FGF14: variants seen among roughly 807,000 people sequenced by gnomAD.
FGF14 encodes the protein fibroblast growth factor homologous factor 4.
FGF14 carries 5 observed loss-of-function variants against 25.5 expected under a neutral mutation model. That is an observed-to-expected ratio of 0.20 (90% CI 0.10 to 0.41). The LOEUF (loss-of-function observed/expected upper bound fraction) is 0.41, where lower values mean the gene tolerates loss of function less well. Among genes scored for constraint, FGF14 ranks in the 10% least tolerant of loss-of-function variants. The pLI, the probability that FGF14 is intolerant of heterozygous loss-of-function variation, is 1.00. For missense variants in FGF14, 222 were observed against 320.1 expected (o/e 0.69, Z 2.34); for synonymous variants, 138 against 118.3 (o/e 1.17, Z -1.08).
chr13:101,855,274 C>T (rs192677740), intron 3 of FGF14, among the ~76,000 whole-genome samples: 283 of 152,102 alleles, frequency 1.9e-3, no homozygotes, highest in African/African-American at 6.6e-3. Context: ...TCATCTTCAA[C>T]TTGCTGTTCT....
intron 1 of FGF14, among the ~76,000 whole-genome samples, chr13:102,121,680 T>C (rs1403258582): frequency 6.6e-6 from 1 of 152,226 alleles, no homozygotes; most frequent in Non-Finnish European, 1.5e-5. Context: ...AGTATATATG[T>C]TGTACATACC....
chr13:102,164,650 C>G (rs2140627370), intron 1 of FGF14, among the ~76,000 whole-genome samples: 1 of 152,270 alleles, frequency 6.6e-6, no homozygotes, highest in African/African-American at 2.4e-5. Context: ...ACAGAATGAG[C>G]TAACTATTCT....
intron 1 of FGF14, among the ~76,000 whole-genome samples, chr13:102,377,120 G>A (rs568015069): frequency 6.6e-5 from 10 of 151,766 alleles, no homozygotes; most frequent in Non-Finnish European, 1.5e-4. Flanking sequence ...AGAAGTGAAT[G>A]ACAGAGCACA....
chr13:102,074,304 C>T (rs529943036), intron 1 of FGF14, among the ~76,000 whole-genome samples: 4 of 152,312 alleles, frequency 2.6e-5, no homozygotes, highest in African/African-American at 7.2e-5. Flanking sequence ...TGAGCCACCA[C>T]GCCCAGCAGG....
intron 1 of FGF14, among the ~76,000 whole-genome samples, chr13:102,154,026 T>C (rs2047205234): frequency 6.6e-6 from 1 of 152,218 alleles, no homozygotes; most frequent in Non-Finnish European, 1.5e-5. Context: ...GTCTCTGGGT[T>C]ATCCAACTTC....
chr13:101,923,139 G>A (rs1378756392), intron 1 of FGF14, among the ~76,000 whole-genome samples: 10 of 151,806 alleles, frequency 6.6e-5, no homozygotes, highest in Non-Finnish European at 1.2e-4. Flanking sequence ...AAAAAGTATT[G>A]GCATCTAAGA....
intron 3 of FGF14, among the ~76,000 whole-genome samples, chr13:101,859,041 C>A (rs571693871): frequency 6.6e-6 from 1 of 152,026 alleles, no homozygotes; most frequent in Non-Finnish European, 1.5e-5. Flanking sequence ...AGCAAAGCAG[C>A]GTGTAAATAA....
chr13:101,787,150 A>G (rs908919444), intron 3 of FGF14, among the ~76,000 whole-genome samples: 1 of 143,572 alleles, frequency 7.0e-6, no homozygotes, highest in Non-Finnish European at 1.5e-5. Context: ...AATTCAGAAA[A>G]TGTGACATCA....
chr13:102,374,657 T>TAC (rs2057989768), intron 1 of FGF14, among the ~76,000 whole-genome samples: 2 of 65,048 alleles, frequency 3.1e-5, no homozygotes, highest in East Asian at 1.1e-3. Flanking sequence ...TATATATATA[T>TAC]ATATATATAT....
intron 1 of FGF14, among the ~76,000 whole-genome samples, chr13:102,267,954 CAAAA>C (rs202149885): frequency 1.4e-5 from 2 of 145,722 alleles, no homozygotes; most frequent in Non-Finnish European, 3.0e-5. Context: ...TCAAAAAATA[CAAAA>C]AAAAAGAGTA....
At chr13:102,025,794 A>T (rs1024841812) in intron 1 of FGF14, among the ~76,000 whole-genome samples, 19 of 152,044 alleles carry the variant, frequency 1.2e-4, no homozygotes, top group African/African-American at 4.6e-4. Context: ...CTTCACTTTC[A>T]GATTTTTCAT....
chr13:102,160,723 C>T (rs1314937663), intron 1 of FGF14, among the ~76,000 whole-genome samples: 1 of 151,906 alleles, frequency 6.6e-6, no homozygotes, highest in Non-Finnish European at 1.5e-5. Flanking sequence ...ACCAAAAGTC[C>T]CTAGAATAGG....
In FGF14 at chr13:101,902,839, G is replaced by A. The variant is rs1245986908; in HGVS notation, c.193+13614C>T. ...CACATTAGTCTAGCCTTCTTTCAAAGGAGGCACTTTTAATAAAAATCTAAT... is the reference window on the plus strand; with the variant it reads ...CACATTAGTCTAGCCTTCTTTCAAAAGAGGCACTTTTAATAAAAATCTAAT... On this transcript the variant is annotated intron_variant, in intron 1 of 4. Transcript: ENST00000376143. Among the ~76,000 whole-genome samples the A allele has an allele frequency of 3.3e-5, 5 of 152,230 alleles. No individual in the cohort carries two copies. The East Asian group carries it at 7.7e-4, about 24-fold the overall frequency.
At chr13:102,266,749 GTA>G (rs1387147009) in intron 1 of FGF14, among the ~76,000 whole-genome samples, 2 of 152,026 alleles carry the variant, frequency 1.3e-5, no homozygotes, top group Admixed American at 1.3e-4. Context: ...GAAAATATCA[GTA>G]TAGTCATTTT....
rs180786586 is a variant in FGF14, at chr13:101,796,204, A to G, written c.409-69394T>C. On this transcript the variant is annotated intron_variant, in intron 3 of 4. Coordinates refer to ENST00000376143, the MANE Select transcript of FGF14 (RefSeq NM_004115.4). ...TTTTAAGTTATATGAACATGATTTA[A>G]TATATACTAAACCCATTACTAAAAT... Among the ~76,000 whole-genome samples, 32 of 151,576 alleles carry G rather than the reference A, an allele frequency of 2.1e-4. No individual in the cohort carries two copies. In the South Asian group the frequency reaches 2.7e-3, roughly 13 times the overall value.
intron 1 of FGF14, chr13:102,394,401 C>T: frequency 6.5e-6 from 1 of 152,750 alleles, no homozygotes; most frequent in Non-Finnish European, 1.5e-5. Context: ...GCTCACTGCC[C>T]GGTCCCCGGC....
chr13:102,056,250 T>C (rs1047234893), intron 1 of FGF14, among the ~76,000 whole-genome samples: 3 of 152,226 alleles, frequency 2.0e-5, no homozygotes, highest in African/African-American at 7.2e-5. Context: ...CAGAAAAATT[T>C]GCCAGCCATT....
chr13:101,967,645 G>T (rs180991645), intron 1 of FGF14: 5 of 153,652 alleles, frequency 3.3e-5, no homozygotes, highest in Non-Finnish European at 7.3e-5. Context: ...TAGCTTACAC[G>T]TTGAATTATT....
intron 1 of FGF14, among the ~76,000 whole-genome samples, chr13:102,267,703 TAAAC>T (rs890256086): frequency 7.9e-5 from 12 of 152,108 alleles, no homozygotes; most frequent in South Asian, 2.1e-4. Flanking sequence ...TAGATTTAAA[TAAAC>T]AAGATAATTA....
Sources: allele counts gnomAD v4.1 joint callset (sites outside exome capture counted in the v4.1 genomes callset), GRCh38; gene constraint gnomAD v4.1.1; transcripts MANE v1.5; gene names NCBI Gene and HGNC (gene_info 2026-07-23, HGNC 2026-07-21).